The following ZFHX3 variants were observed in gnomAD, a reference collection of about 807,000 sequenced individuals.
ZFHX3 encodes the protein zinc finger homeobox 3.
ZFHX3 carries 42 observed loss-of-function variants against 279.1 expected under a neutral mutation model. The observed-to-expected ratio is 0.15, with a 90% confidence interval of 0.12 to 0.19. The LOEUF (loss-of-function observed/expected upper bound fraction) is 0.19, where lower values mean the gene tolerates loss of function less well. Ranked by LOEUF, ZFHX3 falls within the 10% of genes least tolerant of loss-of-function variation. The pLI is 1.00. For missense variants in ZFHX3, 4,981 were observed against 4,754.0 expected (o/e 1.05, Z -1.40); for synonymous variants, 2,293 against 1,957.8 (o/e 1.17, Z -4.52).
rs1390913104 is a variant in ZFHX3 at position 72,796,928 on chromosome 16, C to G, written c.5754G>C (p.Lys1918Asn). Residue 1918 changes from lysine to asparagine, a missense_variant, in exon 9 of 10, where the codon AAG becomes AAC. Coordinates refer to ENST00000268489, the MANE Select transcript of ZFHX3 (RefSeq NM_006885.4). The stretch of plus-strand genomic sequence containing the variant: ...AACCACCCCCTGGTGCCAACTCTTT[C>G]TTCTCTTTGGCCTTCAAGGCATCTG... ...TLPDALKAKE[K>N]KELAPGGGSE... is the part of the protein sequence containing the mutation. 7 of 1,613,994 alleles carry G rather than the reference C, an allele frequency of 4.3e-6. No homozygotes were observed. Among genetic ancestry groups the G allele is most frequent in the Non-Finnish European group, 5.9e-6 (7 of 1,179,992 alleles).
chr16:73,701,348 A>G (rs2053244581), intron 1 of ZFHX3, among the ~76,000 whole-genome samples: 1 of 152,222 alleles, frequency 6.6e-6, no homozygotes, highest in Non-Finnish European at 1.5e-5. Flanking sequence ...AACACAAACA[A>G]AAGATTTTAA....
At chr16:73,490,100 A>T (rs1451449247) in intron 2 of ZFHX3, among the ~76,000 whole-genome samples, 1 of 152,260 alleles carries the variant, frequency 6.6e-6, no homozygotes, top group Non-Finnish European at 1.5e-5. Flanking sequence ...TTGTGGAAGA[A>T]TATCTTAAAA....
chr16:73,585,518 G>C (rs2051916794), intron 2 of ZFHX3, among the ~76,000 whole-genome samples: 1 of 152,060 alleles, frequency 6.6e-6, no homozygotes, highest in Non-Finnish European at 1.5e-5. Context: ...CTTGGTGATG[G>C]GTTGATAGGT....
intron 3 of ZFHX3, among the ~76,000 whole-genome samples, chr16:73,362,485 G>T (rs964445587): frequency 6.6e-6 from 1 of 152,180 alleles, no homozygotes; most frequent in Non-Finnish European, 1.5e-5. Flanking sequence ...CAGCAGGAGC[G>T]TCTAATGGGT....
intron 1 of ZFHX3, among the ~76,000 whole-genome samples, chr16:73,788,068 G>C (rs1959707826): frequency 6.6e-6 from 1 of 152,010 alleles, no homozygotes; most frequent in Non-Finnish European, 1.5e-5. Flanking sequence ...AAACAACATG[G>C]TGCCCTCACC....
At chr16:73,023,560 G>A (rs563245663) in intron 1 of ZFHX3, among the ~76,000 whole-genome samples, 56 of 152,334 alleles carry the variant, frequency 3.7e-4, no homozygotes, top group African/African-American at 1.2e-3. Flanking sequence ...TCCCTCCCAC[G>A]ATGCGCTACA....
intron 3 of ZFHX3, among the ~76,000 whole-genome samples, chr16:73,431,772 A>G (rs1033418823): frequency 1.3e-5 from 2 of 152,180 alleles, no homozygotes; most frequent in African/African-American, 4.8e-5. Flanking sequence ...CTGGAAATGT[A>G]TTAAGTACAT....
In ZFHX3 at chr16:73,325,075, A is replaced by G. The variant is rs192103178; in HGVS notation, c.-1290-6739T>C. Among the ~76,000 whole-genome samples the G allele has an allele frequency of 3.9e-5, 6 of 152,146 alleles. No individual in the cohort carries two copies. The East Asian group carries it at 5.8e-4, about 15-fold the overall frequency. On this transcript the variant is annotated intron_variant, in intron 3 of 17. Transcript: ENST00000641206. Reference sequence around the variant, plus strand: ...TTAGAGCTCATCTGACTCTTTCACAACCTCTCTGGCTGCGAAGTAGAGAAT... The same window carrying G: ...TTAGAGCTCATCTGACTCTTTCACAGCCTCTCTGGCTGCGAAGTAGAGAAT...
At chr16:73,661,085 A>G (rs1199004875) in intron 2 of ZFHX3, among the ~76,000 whole-genome samples, 1 of 152,216 alleles carries the variant, frequency 6.6e-6, no homozygotes, top group African/African-American at 2.4e-5. Flanking sequence ...AAGGATCTTC[A>G]TTTAACATTT....
rs1555501460 is a variant in ZFHX3 at position 73,784,816 on chromosome 16, T to TATATAC, written c.-1607-104577_-1607-104576insGTATAT. On this transcript the variant is annotated intron_variant, in intron 1 of 17. Transcript: ENST00000641206. The stretch of plus-strand genomic sequence containing the variant: ...AAAAAAATATATATATATATATATA[T>TATATAC]ACACACACACACACACACACATATA... Among the ~76,000 whole-genome samples the TATATAC allele has an allele frequency of 1.1e-3, 146 of 135,524 alleles. 1 individual carries two copies. The highest frequency in any genetic ancestry group is 3.8e-3 in the African/African-American group (131 of 34,860). 88.9% of individuals were successfully genotyped at this position (135,524 alleles called of 152,430 possible).
chr16:73,871,383 G>T (rs1261065183), intron 1 of ZFHX3, among the ~76,000 whole-genome samples: 2 of 152,120 alleles, frequency 1.3e-5, no homozygotes, highest in Non-Finnish European at 2.9e-5. Flanking sequence ...CTAATGTCTT[G>T]TGAGAGGAGA....
intron 4 of ZFHX3, among the ~76,000 whole-genome samples, chr16:72,843,707 C>A (rs1016231584): frequency 1.3e-5 from 2 of 152,006 alleles, no homozygotes; most frequent in African/African-American, 4.8e-5. Context: ...GCTGGCTCTG[C>A]GGGAATCTTC....
rs773841375 is a variant in ZFHX3, at chr16:72,798,700, G to C, written c.3982C>G (p.Leu1328Val). Residue 1328 changes from leucine to valine, a missense_variant, in exon 9 of 10, where the codon CTG becomes GTG. Coordinates refer to ENST00000268489, the MANE Select transcript of ZFHX3 (RefSeq NM_006885.4). ...GCGGATGGCAAGATGTTCTTTCCCA[G>C]ATCCTCTGAGGTTTCTGTTAAAAAA... Reference protein sequence around the residue: ...AGKQPETSEDLGKNILPSAST... With the variant: ...AGKQPETSEDVGKNILPSAST... 1.3e-6 allele frequency: 2 copies of C among 1,541,146 alleles called. No homozygotes were observed. Among genetic ancestry groups the C allele is most frequent in the Admixed American group, 4.3e-5 (2 of 46,266 alleles).
At chr16:73,201,069 A>G (rs1968257338) in intron 5 of ZFHX3, among the ~76,000 whole-genome samples, 1 of 151,944 alleles carries the variant, frequency 6.6e-6, no homozygotes, top group African/African-American at 2.4e-5. Flanking sequence ...GGCAGACCCT[A>G]CTCCCTGGCT....
intron 5 of ZFHX3, chr16:73,233,066 A>C (rs1567425202): frequency 6.6e-6 from 1 of 150,534 alleles, no homozygotes; most frequent in African/African-American, 2.5e-5. Context: ...ATTACTGGAA[A>C]AGACAGTGAA....
intron 1 of ZFHX3, among the ~76,000 whole-genome samples, chr16:73,799,630 C>T (rs928666972): frequency 3.9e-5 from 6 of 152,170 alleles, no homozygotes; most frequent in African/African-American, 1.4e-4. Flanking sequence ...CCCCTGCTTC[C>T]TCTCAGGAAG....
chr16:73,086,070 A>G (rs1454067553), intron 8 of ZFHX3, among the ~76,000 whole-genome samples: 1 of 152,028 alleles, frequency 6.6e-6, no homozygotes, highest in East Asian at 1.9e-4. Flanking sequence ...AGACATATGT[A>G]TGACAAATGG....
chr16:73,019,281 T>C (rs1444209825), intron 1 of ZFHX3, among the ~76,000 whole-genome samples: 1 of 152,108 alleles, frequency 6.6e-6, no homozygotes, highest in African/African-American at 2.4e-5. Context: ...TCTCAGGACA[T>C]GACGCCAAGC....
In ZFHX3 at chr16:73,565,205, G is replaced by C. The variant is rs1189779773; in HGVS notation, c.-1546-108947C>G. On this transcript the variant is annotated intron_variant, in intron 2 of 17. Transcript: ENST00000641206. ...GGAGGTGGAAGCTGCAGTGAGCCGA[G>C]ATAGTGCCATTTCACTCTGGCCTGA... Among the ~76,000 whole-genome samples the C allele has an allele frequency of 2.0e-5, 3 of 151,400 alleles. No homozygotes were observed. In the East Asian group the frequency reaches 5.8e-4, roughly 29 times the overall value.
Sources: allele counts gnomAD v4.1 joint callset (sites outside exome capture counted in the v4.1 genomes callset), GRCh38; gene constraint gnomAD v4.1.1; transcripts MANE v1.5; gene names NCBI Gene and HGNC (gene_info 2026-07-23, HGNC 2026-07-21).